Variants in ARHGEF18 observed in about 807,000 individuals in gnomAD.
The protein encoded by ARHGEF18 is rho guanine nucleotide exchange factor 18.
In ARHGEF18, 93 loss-of-function variants were observed where a neutral mutation model predicts 155.7. The observed-to-expected ratio is 0.60, with a 90% CI of 0.50 to 0.71. The LOEUF (loss-of-function observed/expected upper bound fraction) is 0.71, where lower values mean the gene tolerates loss of function less well. Ranked by LOEUF, ARHGEF18 falls within the 30% of genes least tolerant of loss-of-function variation. ARHGEF18 has a pLI of 0.00. For missense variants in ARHGEF18, 1,593 were observed against 1,816.1 expected, an observed-to-expected ratio of 0.88 and a Z score of 2.23; for synonymous variants, 742 against 753.1, an observed-to-expected ratio of 0.99 and a Z score of 0.24.
In ARHGEF18 at chr19:7,440,438, T is replaced by A; in HGVS notation, c.1062T>A (p.Gly354=). The A allele has an allele frequency of 6.2e-7, 1 of 1,601,142 alleles. No homozygotes were observed. The highest frequency in any genetic ancestry group is 8.5e-7 in the Non-Finnish European group (1 of 1,179,746). The part of the protein sequence containing the change: ...NVGMTVSQKG[G]PQPTPSPAGP... ...GTATGACGGTCTCTCAGAAAGGGGGTCCCCAGCCAACACCGAGCCCGGCTG... is the reference window on the plus strand; with the variant it reads ...GTATGACGGTCTCTCAGAAAGGGGGACCCCAGCCAACACCGAGCCCGGCTG... The change falls in exon 11 of 29, where the codon GGT becomes GGA. Residue 354 remains glycine, a synonymous_variant. Transcript: ENST00000668164. This position sits in a 1 kb window ranked among gnomAD's most constrained non-coding sequence, Gnocchi z 5.4.
At chr19:7,384,810 TCC>T in intron 10 of ARHGEF18, among the ~76,000 whole-genome samples, 1 of 151,512 alleles carries the variant, frequency 6.6e-6, no homozygotes, top group East Asian at 1.9e-4. Flanking sequence ...TCCCACCTCC[TCC>T]TCCCGAGTAG....
At chr19:7,478,199 C>T in the ARHGEF18 span, 1 of 1,148,552 alleles carries the variant, frequency 8.7e-7, no homozygotes, top group Non-Finnish European at 1.2e-6. Context: ...ATGACTCCCC[C>T]ATGACCTGAG....
intron 1 of ARHGEF18, among the ~76,000 whole-genome samples, chr19:7,361,377 G>T (rs1194075454): frequency 6.6e-6 from 1 of 152,168 alleles, no homozygotes; most frequent in African/African-American, 2.4e-5. Context: ...GGTGGAGGTT[G>T]CAGTGAGCCA....
At chr19:7,406,053 G>T (rs1388858766) in intron 10 of ARHGEF18, among the ~76,000 whole-genome samples, 1 of 152,070 alleles carries the variant, frequency 6.6e-6, no homozygotes, top group Non-Finnish European at 1.5e-5. Flanking sequence ...GAGGAAAGAG[G>T]AGGTCTTCAG....
chr19:7,411,067 A>G (rs1342332594), intron 10 of ARHGEF18, among the ~76,000 whole-genome samples: 2 of 151,946 alleles, frequency 1.3e-5, no homozygotes, highest in Non-Finnish European at 2.9e-5. Flanking sequence ...CCATCCTGAT[A>G]CCAGAAAATA....
chr19:7,382,813 G>C lies in ARHGEF18; in HGVS notation c.744G>C (p.Lys248Asn), dbSNP rs761043937. ...FLSESEDGAG[K>N]NEKSDKSTSV... ...TCAGGAGCGAGGACGGTGCTGGCAAGAACGAGAAGAGTGACAAGAGTACCA... is the reference window on the plus strand; with the variant it reads ...TCAGGAGCGAGGACGGTGCTGGCAACAACGAGAAGAGTGACAAGAGTACCA... Residue 248 changes from lysine to asparagine, a missense_variant, in exon 9 of 29, where the codon AAG becomes AAC. Physicochemically the swap from Lys to Asn is moderately conservative, Grantham distance 94 (BLOSUM62 0). Coordinates refer to ENST00000668164, the MANE Select transcript of ARHGEF18 (RefSeq NM_001367823.1). The C allele has an allele frequency of 6.3e-5, 78 of 1,232,430 alleles. No individual in the cohort carries two copies. In the African/African-American group the frequency reaches 1.0e-3, roughly 16 times the overall value. The allele number at this position is 1,232,430 out of a possible 1,614,324, so 76.3% of individuals were successfully genotyped here.
At chr19:7,439,972 C>G in intron 10 of ARHGEF18, 2 of 1,544,582 alleles carry the variant, frequency 1.3e-6, no homozygotes, top group Non-Finnish European at 1.7e-6. Flanking sequence ...ATCCTGCCCT[C>G]CAGACCCGCT....
At chr19:7,433,536 T>C (rs12977979) in intron 10 of ARHGEF18, among the ~76,000 whole-genome samples, 26,873 of 140,126 alleles carry the variant, frequency 0.19, 2,836 homozygotes, top group Non-Finnish European at 0.23. Context: ...AAAAAAAGTG[T>C]ATCAGGTTTT....
intron 10 of ARHGEF18, among the ~76,000 whole-genome samples, chr19:7,433,589 T>G (rs1378946946): frequency 1.3e-5 from 2 of 151,898 alleles, no homozygotes; most frequent in Non-Finnish European, 2.9e-5. Flanking sequence ...CTCAGCCGTT[T>G]TCATGTAATT....
chr19:7,458,758 G>A (rs570088617), intron 19 of ARHGEF18, 68 bp downstream of exon 19: 96 of 1,505,090 alleles, frequency 6.4e-5, no homozygotes, highest in Non-Finnish European at 4.4e-5. Context: ...CCTTGGCTTC[G>A]ACCGTTGGCC....
Position 7,466,911 on chromosome 19 carries a change from T to TGGTTTGACG in ARHGEF18, c.2905-7_2905-6insGGTTTGACG. 2 of 1,613,196 alleles carry TGGTTTGACG rather than the reference T, an allele frequency of 1.2e-6. No homozygotes were observed. The highest frequency in any genetic ancestry group is 1.7e-6 in the Non-Finnish European group (2 of 1,179,944). ...CTCTCTCTGGTTTGACGGTGTCCTC[T>TGGTTTGACG]TCCCAGGTGGAGGCGCCAGGCACGG... On this transcript the variant is annotated splice_polypyrimidine_tract_variant and splice_region_variant and intron_variant, in intron 23 of 28. Transcript: ENST00000668164.
At chr19:7,387,949 G>A (rs1259956808) in intron 10 of ARHGEF18, among the ~76,000 whole-genome samples, 1 of 151,268 alleles carries the variant, frequency 6.6e-6, no homozygotes, top group Admixed American at 6.6e-5. Context: ...ATAGGCATGA[G>A]CCACCGTGTC....
chr19:7,443,055 A>ATTTTTT (rs10600280), intron 13 of ARHGEF18, among the ~76,000 whole-genome samples: 3 of 81,182 alleles, frequency 3.7e-5, no homozygotes, highest in Non-Finnish European at 6.7e-5. Context: ...TGCCCAGCTA[A>ATTTTTT]TTTTTTTTTT....
downstream of ARHGEF18, chr19:7,477,402 C>A (rs1352319343): frequency 6.7e-7 from 1 of 1,500,906 alleles, no homozygotes. Flanking sequence ...TGCATCTGCG[C>A]CTCCATGGCC....
chr19:7,450,886 CG>C (rs1975384267), intron 15 of ARHGEF18, among the ~76,000 whole-genome samples: 1 of 902 alleles, frequency 1.1e-3, no homozygotes, highest in African/African-American at 9.3e-3. Flanking sequence ...GATGTTAATG[CG>C]GGGTCTTGCT....
chr19:7,385,124 T>C (rs751779858), intron 10 of ARHGEF18, among the ~76,000 whole-genome samples: 22 of 152,186 alleles, frequency 1.4e-4, no homozygotes, highest in Non-Finnish European at 2.6e-4. Flanking sequence ...CAGTCTATCT[T>C]AGGCATCAGA....
intron 10 of ARHGEF18, among the ~76,000 whole-genome samples, chr19:7,405,024 C>A (rs979549950): frequency 6.6e-6 from 1 of 152,028 alleles, no homozygotes; most frequent in Non-Finnish European, 1.5e-5. Flanking sequence ...ATGGCATGAT[C>A]TTGGCTCACT....
chr19:7,390,053 A>G (rs1274519591), intron 10 of ARHGEF18, among the ~76,000 whole-genome samples: 2 of 151,990 alleles, frequency 1.3e-5, no homozygotes, highest in Non-Finnish European at 2.9e-5. Context: ...AAAGTTAGCC[A>G]GGTGTGGTGG....
At chr19:7,443,609 G>A (rs1003562763) in intron 13 of ARHGEF18, among the ~76,000 whole-genome samples, 10 of 152,148 alleles carry the variant, frequency 6.6e-5, no homozygotes, top group South Asian at 2.1e-4. Context: ...TTTGGGGTTC[G>A]AATTTCGACA....
Sources: gnomAD v4.1 joint callset for allele counts (sites outside exome capture counted in the v4.1 genomes callset) on GRCh38, gnomAD v4.1.1 for gene constraint, Gnocchi (gnomAD v3.1) non-coding constraint, MANE v1.5 for transcripts, NCBI Gene and HGNC (gene_info 2026-07-23, HGNC 2026-07-21) for gene names.